The following TSHR variants were observed in gnomAD, a reference collection of about 807,000 sequenced individuals.
TSHR encodes the protein thyrotropin receptor.
Under a neutral mutation model 64.1 loss-of-function variants are expected in TSHR, and 51 were observed. The ratio of observed to expected loss-of-function variants is 0.80; its 90% CI spans 0.64 to 1.01. The LOEUF (loss-of-function observed/expected upper bound fraction) is 1.01. Ranked by LOEUF, TSHR falls within the 50% of genes least tolerant of loss-of-function variation. The pLI, the probability that TSHR is intolerant of heterozygous loss-of-function variation, is 0.00. For missense variants in TSHR, 877 were observed against 942.8 expected (o/e 0.93, Z 0.91); for synonymous variants, 361 against 361.9 (o/e 1.00, Z 0.03).
At chr14:81,088,399 AAACCCAC>A (rs1347145897) in intron 4 of TSHR, among the ~76,000 whole-genome samples, 3 of 152,234 alleles carry the variant, frequency 2.0e-5, no homozygotes, top group Non-Finnish European at 4.4e-5. Context: ...ACAGGAAAAA[AAACCCAC>A]AAAGAGTAAA....
intron 1 of TSHR, among the ~76,000 whole-genome samples, chr14:81,010,634 T>C (rs894360575): frequency 6.6e-6 from 1 of 152,148 alleles, no homozygotes; most frequent in Non-Finnish European, 1.5e-5. Flanking sequence ...TATATTAAAA[T>C]AACCATTTTT....
chr14:81,123,346 G>C (rs1214236265), intron 8 of TSHR, among the ~76,000 whole-genome samples: 1 of 152,088 alleles, frequency 6.6e-6, no homozygotes, highest in Non-Finnish European at 1.5e-5. Flanking sequence ...TTTAATTCTT[G>C]TCTTGATCTT....
intron 3 of TSHR, among the ~76,000 whole-genome samples, chr14:81,079,796 T>C (rs915350023): frequency 6.7e-5 from 10 of 149,728 alleles, no homozygotes; most frequent in South Asian, 2.1e-4. Flanking sequence ...GTTGAGGCTG[T>C]AGTGAGTCAT....
intron 1 of TSHR, among the ~76,000 whole-genome samples, chr14:80,966,694 T>A (rs179248): frequency 6.6e-6 from 1 of 151,948 alleles, no homozygotes; most frequent in African/African-American, 2.4e-5. Context: ...ATACTGGAAG[T>A]TGCATTTTAA....
Position 81,097,521 on chromosome 14 carries a change from G to A in TSHR, c.614+814G>A, listed in dbSNP as rs1889286212. ...TCTGTAGCTCTGGATTTGGCCTCGGGATTCCATATTTCTAACAAACTCCCA... is the reference window on the plus strand; with the variant it reads ...TCTGTAGCTCTGGATTTGGCCTCGGAATTCCATATTTCTAACAAACTCCCA... On this transcript the variant is annotated intron_variant, in intron 7 of 9. Coordinates refer to ENST00000298171, the MANE Select transcript of TSHR (RefSeq NM_000369.5). Among the ~76,000 whole-genome samples the A allele has an allele frequency of 2.0e-5, 3 of 152,100 alleles. No homozygotes were observed. In the South Asian group the frequency reaches 6.2e-4, roughly 32 times the overall value.
At chr14:81,112,633 T>C (rs1890274274) in intron 8 of TSHR, among the ~76,000 whole-genome samples, 2 of 152,192 alleles carry the variant, frequency 1.3e-5, no homozygotes, top group South Asian at 4.1e-4. Flanking sequence ...ACAATAAGCA[T>C]TTACTGATGA....
At position 80,955,870 on chromosome 14, in the gene TSHR, C is replaced by T. The variant is rs375609968; in HGVS notation, c.170+20C>T. On this transcript the variant is annotated intron_variant, in intron 1 of 9. Transcript: ENST00000298171. ...GACTCTGTGAGTACCCGGGAGAGATCAGGGTAGGACCCAGAGATCAAGGGC... is the reference window on the plus strand; with the variant it reads ...GACTCTGTGAGTACCCGGGAGAGATTAGGGTAGGACCCAGAGATCAAGGGC... The T allele has an allele frequency of 6.2e-7, 1 of 1,613,936 alleles. No individual in the cohort carries two copies. Among genetic ancestry groups the T allele is most frequent in the Non-Finnish European group, 8.5e-7 (1 of 1,180,038 alleles).
intron 9 of TSHR, among the ~76,000 whole-genome samples, chr14:81,140,100 A>G (rs1167057749): frequency 6.6e-6 from 1 of 152,204 alleles, no homozygotes; most frequent in South Asian, 2.1e-4. Flanking sequence ...GAGGTGACAG[A>G]TGGCACAGGA....
chr14:81,087,329 C>T (rs1566804337), intron 3 of TSHR: 1 of 153,880 alleles, frequency 6.5e-6, no homozygotes, highest in Non-Finnish European at 1.4e-5. Context: ...TTCTCTAATG[C>T]TAACTGTGCA....
At chr14:81,051,272 ACT>A (rs1430255204) in intron 1 of TSHR, 2 of 152,002 alleles carry the variant, frequency 1.3e-5, no homozygotes, top group Non-Finnish European at 2.9e-5. Flanking sequence ...TCTACTTCTA[ACT>A]CTAGTTCTCT....
intron 1 of TSHR, chr14:80,983,508 A>C (rs1004494568): frequency 3.0e-6 from 4 of 1,346,438 alleles, no homozygotes; most frequent in Non-Finnish European, 4.2e-6. Flanking sequence ...CAGTCTTGTT[A>C]GTGGTGTGGC....
chr14:81,068,728 A>AC (rs1886843322), intron 3 of TSHR, among the ~76,000 whole-genome samples: 1 of 152,204 alleles, frequency 6.6e-6, no homozygotes, highest in Non-Finnish European at 1.5e-5. Context: ...TGAGATTAGA[A>AC]TAGTAGGGAA....
At chr14:81,104,019 G>A in intron 7 of TSHR, 1 of 985,396 alleles carries the variant, frequency 1.0e-6, no homozygotes, top group Non-Finnish European at 1.2e-6. Flanking sequence ...TTGGCACACT[G>A]GGAAAAGACA....
intron 7 of TSHR, chr14:81,107,040 T>A (rs774248386): frequency 6.6e-6 from 1 of 152,132 alleles, no homozygotes; most frequent in Non-Finnish European, 1.5e-5. Context: ...TACTCGTCAT[T>A]TAGTGATTCC....
At chr14:81,002,486 A>G (rs1889372656) in intron 1 of TSHR, among the ~76,000 whole-genome samples, 1 of 152,232 alleles carries the variant, frequency 6.6e-6, no homozygotes, top group Non-Finnish European at 1.5e-5. Flanking sequence ...TAATCTATGT[A>G]AAGTGCTTAC....
At chr14:81,129,116 A>G (rs188617477) in intron 8 of TSHR, among the ~76,000 whole-genome samples, 2 of 152,250 alleles carry the variant, frequency 1.3e-5, no homozygotes, top group African/African-American at 2.4e-5. Flanking sequence ...CACTCCCCCA[A>G]TAAGCCTGCC....
intron 1 of TSHR, among the ~76,000 whole-genome samples, chr14:80,981,674 T>A (rs1888180366): frequency 6.6e-6 from 1 of 152,164 alleles, no homozygotes; most frequent in South Asian, 2.1e-4. Flanking sequence ...GAACAAAAAC[T>A]ATTCATTTGG....
At chr14:81,124,943 C>T (rs2140073192) in intron 8 of TSHR, among the ~76,000 whole-genome samples, 1 of 152,180 alleles carries the variant, frequency 6.6e-6, no homozygotes, top group Non-Finnish European at 1.5e-5. Context: ...TTGGTCCTGG[C>T]CACCAGCTCT....
intron 1 of TSHR, among the ~76,000 whole-genome samples, chr14:81,040,218 G>T (rs1363949161): frequency 6.6e-6 from 1 of 151,900 alleles, no homozygotes; most frequent in East Asian, 1.9e-4. Flanking sequence ...ATTGGGGAAA[G>T]AAGAGTCTCT....
Sources: gnomAD v4.1 joint callset for allele counts (sites outside exome capture counted in the v4.1 genomes callset) on GRCh38, gnomAD v4.1.1 for gene constraint, MANE v1.5 for transcripts, NCBI Gene and HGNC (gene_info 2026-07-23, HGNC 2026-07-21) for gene names.